The following GRIP1 variants were observed in gnomAD, a reference collection of about 807,000 sequenced individuals.
GRIP1 encodes the protein glutamate receptor-interacting protein 1.
GRIP1 carries 45 observed loss-of-function variants against 129.9 expected under a neutral mutation model. That is an observed-to-expected ratio of 0.35 (90% CI 0.27 to 0.44). The LOEUF is 0.44. Ranked by LOEUF, GRIP1 falls within the 20% of genes least tolerant of loss-of-function variation. The pLI is 1.00. For synonymous variants in GRIP1, 530 were observed against 520.8 expected, an observed-to-expected ratio of 1.02 and a Z score of -0.24; for missense variants, 1,196 against 1,396.8, an observed-to-expected ratio of 0.86 and a Z score of 2.29.
chr12:66,521,157 C>G (rs1182574956), intron 5 of GRIP1, among the ~76,000 whole-genome samples: 1 of 152,174 alleles, frequency 6.6e-6, no homozygotes, highest in Non-Finnish European at 1.5e-5. Flanking sequence ...ACTCTATCAA[C>G]TTTTGTCTTA....
At chr12:66,956,150 C>T (rs2041837544) in intron 1 of GRIP1, among the ~76,000 whole-genome samples, 1 of 152,054 alleles carries the variant, frequency 6.6e-6, no homozygotes, top group African/African-American at 2.4e-5. Flanking sequence ...GCCAATTTTC[C>T]CACTAATGTC....
intron 4 of GRIP1, among the ~76,000 whole-genome samples, chr12:66,532,773 T>TCACCAC (rs368400767): frequency 0.046 from 7,039 of 151,562 alleles, 527 homozygotes; most frequent in African/African-American, 0.16. Flanking sequence ...CTCCTCCACT[T>TCACCAC]CACCACCACC....
chr12:66,473,947 G>A (rs545432572), intron 7 of GRIP1, among the ~76,000 whole-genome samples: 13 of 152,098 alleles, frequency 8.5e-5, no homozygotes, highest in East Asian at 1.9e-4. Flanking sequence ...ACAGCTCCTC[G>A]CCAGCAAGGG....
chr12:66,932,560 T>C (rs900438475), intron 1 of GRIP1, among the ~76,000 whole-genome samples: 5 of 151,622 alleles, frequency 3.3e-5, no homozygotes, highest in Non-Finnish European at 5.9e-5. Context: ...CAACCCTGAA[T>C]TGAGTCTCTT....
At position 66,727,360 on chromosome 12, in the gene GRIP1, C is replaced by G. The variant is rs189696170; in HGVS notation, c.-420+76693G>C. Among the ~76,000 whole-genome samples, 341 of 152,306 alleles carry G rather than the reference C, an allele frequency of 2.2e-3. 1 individual carries two copies. The highest frequency in any genetic ancestry group is 7.9e-3 in the African/African-American group (327 of 41,574). Reference sequence around the variant, plus strand: ...TGGCATAAGTGACAGAAAGACAGTTCTGAGGTGAGGTCTTAAAAGGCATCA... The same window carrying G: ...TGGCATAAGTGACAGAAAGACAGTTGTGAGGTGAGGTCTTAAAAGGCATCA... On this transcript the variant is annotated intron_variant, in intron 1 of 4. Transcript: ENST00000538373.
chr12:66,857,661 A>C (rs781247612), intron 1 of GRIP1, among the ~76,000 whole-genome samples: 10 of 151,938 alleles, frequency 6.6e-5, no homozygotes, highest in Non-Finnish European at 1.2e-4. Flanking sequence ...TGCTCTAGGC[A>C]CTGAGGATAT....
intron 1 of GRIP1, among the ~76,000 whole-genome samples, chr12:66,764,167 C>G (rs1315262489): frequency 2.0e-5 from 3 of 152,156 alleles, no homozygotes; most frequent in South Asian, 2.1e-4. Context: ...TGTTTCTGGT[C>G]ACAGAAAACT....
At chr12:66,728,680 C>A (rs2036333002) in intron 1 of GRIP1, among the ~76,000 whole-genome samples, 1 of 152,126 alleles carries the variant, frequency 6.6e-6, no homozygotes, top group South Asian at 2.1e-4. Flanking sequence ...GTAGCCTCTG[C>A]CACAATTCTT....
chr12:66,715,639 C>A (rs537124847), intron 1 of GRIP1, among the ~76,000 whole-genome samples: 2 of 151,992 alleles, frequency 1.3e-5, no homozygotes, highest in African/African-American at 2.4e-5. Flanking sequence ...CTGAATAAAT[C>A]AGTGGTTGTC....
At chr12:66,979,240 A>AC (rs1238523474) in intron 1 of GRIP1, among the ~76,000 whole-genome samples, 46 of 146,462 alleles carry the variant, frequency 3.1e-4, no homozygotes, top group Admixed American at 5.5e-4. Flanking sequence ...AAAAAAAAAA[A>AC]AAAAAAAAAA....
At chr12:66,762,085 C>T (rs1393048505) in intron 1 of GRIP1, among the ~76,000 whole-genome samples, 1 of 152,188 alleles carries the variant, frequency 6.6e-6, no homozygotes, top group Non-Finnish European at 1.5e-5. Context: ...GAGCCTGGCA[C>T]ATAATAAATT....
At chr12:66,741,789 T>A (rs565516179) in intron 1 of GRIP1, among the ~76,000 whole-genome samples, 1 of 152,194 alleles carries the variant, frequency 6.6e-6, no homozygotes, top group Non-Finnish European at 1.5e-5. Flanking sequence ...ATGCAGCTAG[T>A]GGCTATGGTA....
intron 1 of GRIP1, among the ~76,000 whole-genome samples, chr12:66,935,932 C>T (rs1201479225): frequency 6.6e-6 from 1 of 152,198 alleles, no homozygotes; most frequent in Admixed American, 6.5e-5. Context: ...AGATAGGTTA[C>T]AGTTCATCCA....
chr12:66,987,304 C>T (rs2042326924), intron 1 of GRIP1, among the ~76,000 whole-genome samples: 1 of 152,174 alleles, frequency 6.6e-6, no homozygotes, highest in South Asian at 2.1e-4. Flanking sequence ...AATACTCAAC[C>T]AGTACTTGTT....
At chr12:66,408,949 G>A (rs1161350163) in intron 15 of GRIP1, among the ~76,000 whole-genome samples, 2 of 152,052 alleles carry the variant, frequency 1.3e-5, no homozygotes, top group African/African-American at 4.8e-5. Context: ...TCTCCTTGAG[G>A]AAAGGATGGG....
chr12:66,981,184 A>T (rs2042238080), intron 1 of GRIP1, among the ~76,000 whole-genome samples: 1 of 152,248 alleles, frequency 6.6e-6, no homozygotes, highest in African/African-American at 2.4e-5. Context: ...TTGGCCATGC[A>T]GTAGAGCAAT....
At chr12:66,391,646 G>A (rs75477892) in intron 19 of GRIP1, among the ~76,000 whole-genome samples, 1,544 of 152,310 alleles carry the variant, frequency 0.01, 35 homozygotes, top group African/African-American at 0.034. Flanking sequence ...GAGGCCAGAA[G>A]TTTGATACCA....
intron 1 of GRIP1, among the ~76,000 whole-genome samples, chr12:66,985,037 T>TGCTTGCTG (rs1353400665): frequency 1.3e-5 from 2 of 152,222 alleles, no homozygotes; most frequent in African/African-American, 4.8e-5. Flanking sequence ...TTTGAGTTGA[T>TGCTTGCTG]GCTTGCTGCT....
chr12:66,646,216 C>T (rs962801935), intron 1 of GRIP1, among the ~76,000 whole-genome samples: 1 of 152,308 alleles, frequency 6.6e-6, no homozygotes, highest in African/African-American at 2.4e-5. Context: ...AATGAAATTA[C>T]TCTTTATCTC....
Sources: gnomAD v4.1 joint callset for allele counts (sites outside exome capture counted in the v4.1 genomes callset) on GRCh38, gnomAD v4.1.1 for gene constraint, MANE v1.5 for transcripts, NCBI Gene and HGNC (gene_info 2026-07-23, HGNC 2026-07-21) for gene names.